The following GPRIN1 variants were observed in gnomAD, a reference collection of about 807,000 sequenced individuals.
GPRIN1 encodes G protein-regulated inducer of neurite outgrowth 1.
In GPRIN1, 4 loss-of-function variants were observed where a neutral mutation model predicts 2.8. The observed-to-expected ratio is 1.45, with a 90% confidence interval of 0.71 to 3.32. The LOEUF is 3.32. Ranked by LOEUF, GPRIN1 falls within the 30% of genes most tolerant of loss-of-function variation. The pLI, the probability that GPRIN1 is intolerant of heterozygous loss-of-function variation, is 0.01. For synonymous variants in GPRIN1, 589 were observed against 589.9 expected, an observed-to-expected ratio of 1.00 and a Z score of 0.02; for missense variants, 1,322 against 1,343.4, an observed-to-expected ratio of 0.98 and a Z score of 0.25.
chr5:176,599,538 G>C lies in GPRIN1; in HGVS notation c.297C>G (p.Phe99Leu), dbSNP rs773762496. 2 of 1,597,890 alleles carry C rather than the reference G, an allele frequency of 1.3e-6. No homozygotes were observed. Among genetic ancestry groups the C allele is most frequent in the Admixed American group, 3.5e-5 (2 of 57,954 alleles). ...CCTTGGAGGGTGACTCCTGGGGAGAGAAGCAGGTTGGGGAGGGGCAGGCCA... is the reference window on the plus strand; with the variant it reads ...CCTTGGAGGGTGACTCCTGGGGAGACAAGCAGGTTGGGGAGGGGCAGGCCA... ...GSLACPSPTC[F>L]SPQESPSKET... The change falls in exon 2 of 2, where the codon TTC becomes TTG. Residue 99 changes from phenylalanine (F) to leucine (L), a missense_variant. This residue lies in a region of GPRIN1 where 1,117 missense variants were observed against 1,128.6 expected (regional missense o/e 0.99). Coordinates refer to ENST00000303991, the MANE Select transcript of GPRIN1 (RefSeq NM_052899.3).
Position 176,599,895 on chromosome 5 carries a change from C to A in GPRIN1, c.-43-18G>T. 7.5e-7 allele frequency: 1 copy of A among 1,329,536 alleles called. No homozygotes were observed. Among genetic ancestry groups the A allele is most frequent in the East Asian group, 2.7e-5 (1 of 36,956 alleles). 82.4% of individuals were successfully genotyped at this position (1,329,536 alleles called of 1,614,324 possible). ...GTCTGGTTCTGAAACAGAGAGAGAG[C>A]TGACTCAGACTTCCCAAAGCTCAGT... On this transcript the variant is annotated intron_variant, in intron 1 of 1. Transcript: ENST00000303991.
rs778127652 is a variant in GPRIN1 at position 176,596,883 on chromosome 5, G to C, written c.2952C>G (p.Pro984=). The C allele has an allele frequency of 1.5e-6, 2 of 1,305,172 alleles. No homozygotes were observed. The highest frequency in any genetic ancestry group is 2.0e-4 in the Middle Eastern group (1 of 4,984). The allele number at this position is 1,305,172 out of a possible 1,614,324, so 80.8% of individuals were successfully genotyped here. A position where few individuals can be genotyped will look rare whatever the true frequency, so the allele number is the denominator to read the frequency against. The change falls in exon 2 of 2, where the codon CCC becomes CCG. Residue 984 remains proline, a synonymous_variant. Coordinates refer to ENST00000303991, the MANE Select transcript of GPRIN1 (RefSeq NM_052899.3). The surrounding 1 kb of genome is among the most constrained non-coding windows in gnomAD (Gnocchi z 5.2). ...TCTGCAGCAGCGCGCGGAACAGGCC[G>C]GGCGGACGCTTGGCGGCGCCATCTG... The part of the protein sequence containing the change: ...APPDGAAKRP[P]GLFRALLQSV...
chr5:176,599,734 C>A lies in GPRIN1; in HGVS notation c.101G>T (p.Ser34Ile). ...CATAGCCGAGCTGCCAGCCCCCAGG[C>A]TCCCATCCTGTGGGCAGAAGAAGGC... is the stretch of plus-strand genomic sequence containing the variant. ...PTAFFCPQDG[S>I]LGAGSSAMRD... The change falls in exon 2 of 2, where the codon AGC (serine) becomes ATC (isoleucine). Residue 34 changes from serine (S) to isoleucine (I), a missense_variant. By Grantham distance (142) the Ser-to-Ile change is moderately radical. Coordinates refer to ENST00000303991, the MANE Select transcript of GPRIN1 (RefSeq NM_052899.3). 6.4e-7 allele frequency: 1 copy of A among 1,552,674 alleles called. No homozygotes were observed. The highest frequency in any genetic ancestry group is 1.2e-5 in the South Asian group (1 of 83,030).
chr5:176,600,920 A>T (rs1004452524), intron 1 of GPRIN1, among the ~76,000 whole-genome samples: 1 of 152,222 alleles, frequency 6.6e-6, no homozygotes, highest in Admixed American at 6.5e-5. Flanking sequence ...CATCTCAAAA[A>T]TAAACAAAAA....
rs1399488486 is a variant in GPRIN1 at position 176,598,344 on chromosome 5, G to C, written c.1491C>G (p.Pro497=). 1.2e-6 allele frequency: 2 copies of C among 1,613,746 alleles called. No individual in the cohort carries two copies. Among genetic ancestry groups the C allele is most frequent in the Non-Finnish European group, 8.5e-7 (1 of 1,179,728 alleles). ...TNPVSSGPGD[P]RSLGTAGPPS... ...GGGGACCTGCTGTCCCCAAGGACCT[G>C]GGATCGCCTGGACCTGAAGACACAG... The change falls in exon 2 of 2, where the codon CCC becomes CCG. Residue 497 remains proline, a synonymous_variant. Transcript: ENST00000303991.
intron 1 of GPRIN1, among the ~76,000 whole-genome samples, chr5:176,604,610 C>T (rs578086877): frequency 8.7e-4 from 133 of 152,228 alleles, no homozygotes; most frequent in African/African-American, 3.1e-3. Flanking sequence ...TTATACCTAG[C>T]GCCTAGTGAG....
chr5:176,609,977 CG>C (rs1346895723), intron 1 of GPRIN1, 21 bp downstream of exon 1: 2 of 151,870 alleles, frequency 1.3e-5, no homozygotes, highest in Non-Finnish European at 3.0e-5. Flanking sequence ...GGAAAGACAG[CG>C]GGTGTGGGCG....
At chr5:176,608,716 A>C (rs1759262977) in intron 1 of GPRIN1, among the ~76,000 whole-genome samples, 1 of 152,186 alleles carries the variant, frequency 6.6e-6, no homozygotes, top group African/African-American at 2.4e-5. Flanking sequence ...CAGGGAGAGC[A>C]GCAGCCCCTG....
chr5:176,596,189 G>C lies in GPRIN1; in HGVS notation c.*619C>G, dbSNP rs1759030212. 1 of 152,714 alleles carries C rather than the reference G, an allele frequency of 6.5e-6. No homozygotes were observed. Among genetic ancestry groups the C allele is most frequent in the Non-Finnish European group, 1.5e-5 (1 of 68,430 alleles). The allele number at this position is 152,714 out of a possible 1,614,324, so 9.5% of individuals were successfully genotyped here. On this transcript the variant is annotated 3_prime_UTR_variant, in exon 2 of 2. Coordinates refer to ENST00000303991, the MANE Select transcript of GPRIN1 (RefSeq NM_052899.3). The surrounding 1 kb of genome is among the most constrained non-coding windows in gnomAD (Gnocchi z 5.2). ...TGTGACTCAGTGGGAGAGGGGATGG[G>C]GCTGGAACCAGGCGGGTGGGAGATA...
Position 176,597,325 on chromosome 5 carries a change from C to T in GPRIN1, c.2510G>A (p.Gly837Asp). ...SPMSPQDGAG[G>D]SAFSFQAAPR... ...CGCCGCCTGGAAGCTGAAGGCCGAGCCCCCAGCGCCGTCCTGCGGAGACAT... is the reference window on the plus strand; with the variant it reads ...CGCCGCCTGGAAGCTGAAGGCCGAGTCCCCAGCGCCGTCCTGCGGAGACAT... Residue 837 changes from glycine (G) to aspartate (D), a missense_variant, in exon 2 of 2, where the codon GGC becomes GAC. Physicochemically the swap from Gly to Asp is moderately conservative, Grantham distance 94 (BLOSUM62 -1). This residue lies in a region of GPRIN1 where 1,117 missense variants were observed against 1,128.6 expected (regional missense o/e 0.99). Coordinates refer to ENST00000303991, the MANE Select transcript of GPRIN1 (RefSeq NM_052899.3). This position sits in a 1 kb window ranked among gnomAD's most constrained non-coding sequence, Gnocchi z 6.1. The T allele has an allele frequency of 8.1e-7, 1 of 1,234,354 alleles. No homozygotes were observed. The highest frequency in any genetic ancestry group is 1.0e-6 in the Non-Finnish European group (1 of 990,140). The allele number at this position is 1,234,354 out of a possible 1,614,324, so 76.5% of individuals were successfully genotyped here.
Position 176,599,009 on chromosome 5 carries a change from T to C in GPRIN1, c.826A>G (p.Thr276Ala), listed in dbSNP as rs1275183408. ...ACAAGATCTACCTTTTCTGCAGATGTAGGAGCGACCTTTTCTGAGGACACA... is the reference window on the plus strand; with the variant it reads ...ACAAGATCTACCTTTTCTGCAGATGCAGGAGCGACCTTTTCTGAGGACACA... Reference protein sequence around the residue: ...HPVSSEKVAPTSAEKVDLVLS... With the variant: ...HPVSSEKVAPASAEKVDLVLS... The change falls in exon 2 of 2, where the codon ACA becomes GCA. Residue 276 changes from threonine to alanine, a missense_variant. Physicochemically the swap from Thr to Ala is moderately conservative, Grantham distance 58 (BLOSUM62 0). Around this residue, in one of 3 missense-constraint regions of GPRIN1, gnomAD observed 1,117 missense variants for 1,128.6 expected, o/e 0.99. Coordinates refer to ENST00000303991, the MANE Select transcript of GPRIN1 (RefSeq NM_052899.3). 18 of 1,614,180 alleles carry C rather than the reference T, an allele frequency of 1.1e-5. No homozygotes were observed. The highest frequency in any genetic ancestry group is 1.5e-5 in the Non-Finnish European group (18 of 1,180,018).
At chr5:176,605,938 G>C (rs747893711) in intron 1 of GPRIN1, among the ~76,000 whole-genome samples, 1 of 152,204 alleles carries the variant, frequency 6.6e-6, no homozygotes, top group Non-Finnish European at 1.5e-5. Context: ...TGTACAGGGA[G>C]TTTAGCTGGA....
chr5:176,597,692 G>A lies in GPRIN1; in HGVS notation c.2143C>T (p.Leu715=), dbSNP rs765128141. 1.0e-5 allele frequency: 16 copies of A among 1,593,762 alleles called. No individual in the cohort carries two copies. The South Asian group carries it at 1.8e-4, about 18-fold the overall frequency. The change falls in exon 2 of 2, where the codon CTG becomes TTG. Residue 715 remains leucine (L), a synonymous_variant. Coordinates refer to ENST00000303991, the MANE Select transcript of GPRIN1 (RefSeq NM_052899.3). This position sits in a 1 kb window ranked among gnomAD's most constrained non-coding sequence, Gnocchi z 6.1. ...PSLGKVVPLS[L]EKTKPSSSSR... is the part of the protein sequence containing the mutation. ...GAGGAGGACGGCTTGGTCTTCTCCA[G>A]ACTCAGGGGGACCACCTTCCCCAAG...
At chr5:176,600,644 C>T (rs894632298) in intron 1 of GPRIN1, among the ~76,000 whole-genome samples, 10 of 152,058 alleles carry the variant, frequency 6.6e-5, no homozygotes, top group Non-Finnish European at 1.3e-4. Flanking sequence ...CCGGGTGCGG[C>T]GGCTCACGCC....
Position 176,596,944 on chromosome 5 carries a change from C to T in GPRIN1, c.2891G>A (p.Gly964Asp), listed in dbSNP as rs1281867326. The change falls in exon 2 of 2, where the codon GGC becomes GAC. Residue 964 changes from glycine (G) to aspartate (D), a missense_variant. Gly to Asp is a moderately conservative substitution (Grantham distance 94). Transcript: ENST00000303991. This position sits in a 1 kb window ranked among gnomAD's most constrained non-coding sequence, Gnocchi z 5.2. ...GCGCACCGAGCCCGAACGGCCGGGG[C>T]CGGCACGGGCGGCGGGCGGCGGCGC... ...APAPPPAARA[G>D]PGRSGSVRTA... 3.2e-6 allele frequency: 4 copies of T among 1,254,744 alleles called. No individual in the cohort carries two copies. The South Asian group carries it at 9.1e-5, about 28-fold the overall frequency. 77.7% of individuals were successfully genotyped at this position (1,254,744 alleles called of 1,614,324 possible).
Position 176,599,019 on chromosome 5 carries a change from C to T in GPRIN1, c.816G>A (p.Lys272=), listed in dbSNP as rs746839995. ...SGKEHPVSSE[K]VAPTSAEKVD... ...CCTTTTCTGCAGATGTAGGAGCGAC[C>T]TTTTCTGAGGACACAGGATGCTCTT... The change falls in exon 2 of 2, where the codon AAG becomes AAA. Residue 272 remains lysine (K), a synonymous_variant. Transcript: ENST00000303991. 3.1e-6 allele frequency: 5 copies of T among 1,614,084 alleles called. No homozygotes were observed. The African/African-American group carries it at 5.3e-5, about 17-fold the overall frequency.
In GPRIN1 at chr5:176,598,145, A is replaced by T. The variant is rs1168530691; in HGVS notation, c.1690T>A (p.Ser564Thr). The T allele has an allele frequency of 6.2e-7, 1 of 1,612,690 alleles. No individual in the cohort carries two copies. The highest frequency in any genetic ancestry group is 1.3e-5 in the African/African-American group (1 of 74,864). ...VSKGKADAGP[S>T]GQGDSVSIGK... Reference sequence around the variant, plus strand: ...ATAGACACAGAGTCCCCTTGTCCAGAGGGGCCAGCGTCTGCCTTTCCCTTG... The same window carrying T: ...ATAGACACAGAGTCCCCTTGTCCAGTGGGGCCAGCGTCTGCCTTTCCCTTG... Residue 564 changes from serine to threonine, a missense_variant, in exon 2 of 2, where the codon TCT (serine) becomes ACT (threonine). Ser to Thr is a moderately conservative substitution (Grantham distance 58, BLOSUM62 1). This residue lies in a region of GPRIN1 where 1,117 missense variants were observed against 1,128.6 expected (regional missense o/e 0.99). Transcript: ENST00000303991.
rs1217267168 is a variant in GPRIN1, at chr5:176,598,301, C to T, written c.1534G>A (p.Glu512Lys). 1 of 1,613,838 alleles carries T rather than the reference C, an allele frequency of 6.2e-7. No individual in the cohort carries two copies. The highest frequency in any genetic ancestry group is 8.5e-7 in the Non-Finnish European group (1 of 1,179,874). Residue 512 changes from glutamate to lysine, a missense_variant, in exon 2 of 2, where the codon GAG becomes AAG. Around this residue, in one of 3 missense-constraint regions of GPRIN1, gnomAD observed 1,117 missense variants for 1,128.6 expected, o/e 0.99. Transcript: ENST00000303991. ...TAGPPSAVKA[E>K]PATGGKGDPL... ...TCTCCTTTTCCCCCCGTCGCTGGCT[C>T]AGCCTTTACTGCAGATGGGGGACCT... is the stretch of plus-strand genomic sequence containing the variant.
At chr5:176,601,987 A>G (rs568564947) in intron 1 of GPRIN1, among the ~76,000 whole-genome samples, 2 of 152,282 alleles carry the variant, frequency 1.3e-5, no homozygotes, top group South Asian at 4.1e-4. Flanking sequence ...GTGTCTCCCC[A>G]TCCCATGCAA....
Sources: gnomAD v4.1 joint callset for allele counts (sites outside exome capture counted in the v4.1 genomes callset) on GRCh38, gnomAD v4.1.1 for gene constraint, gnomAD v4.1.1 regional missense constraint, Gnocchi (gnomAD v3.1) non-coding constraint, MANE v1.5 for transcripts, NCBI Gene and HGNC (gene_info 2026-07-23, HGNC 2026-07-21) for gene names.